SLC22A24: variants seen among roughly 807,000 people sequenced by gnomAD.
SLC22A24 encodes the protein solute carrier family 22 member 24, also known as steroid transmembrane transporter SLC22A24.
A neutral mutation model predicts 49.8 loss-of-function variants in SLC22A24; 53 were observed. The ratio of observed to expected loss-of-function variants is 1.06; its 90% CI spans 0.85 to 1.34. The LOEUF (loss-of-function observed/expected upper bound fraction) is 1.34, where lower values mean the gene tolerates loss of function less well. Ranked by LOEUF, SLC22A24 falls within the 40% of genes most tolerant of loss-of-function variation. The pLI is 0.00. For missense variants in SLC22A24, 786 were observed against 675.9 expected (o/e 1.16, Z -1.81); for synonymous variants, 302 against 256.4 (o/e 1.18, Z -1.70).
At chr11:63,120,880 A>G (rs1016240047) in intron 2 of SLC22A24, among the ~76,000 whole-genome samples, 3 of 152,184 alleles carry the variant, frequency 2.0e-5, no homozygotes, top group Non-Finnish European at 2.9e-5. Context: ...AAAAAGATCT[A>G]TGATACAGGA....
chr11:63,113,011 C>G (rs1188410335), intron 4 of SLC22A24, among the ~76,000 whole-genome samples: 1 of 12,020 alleles, frequency 8.3e-5, no homozygotes, highest in African/African-American at 4.3e-4. Context: ...GACTCTGTCT[C>G]AAAAAAAAAA....
At chr11:63,097,732 C>T (rs1436729099) in intron 5 of SLC22A24, among the ~76,000 whole-genome samples, 3 of 152,096 alleles carry the variant, frequency 2.0e-5, no homozygotes, top group African/African-American at 7.2e-5. Context: ...ACTATGCTGC[C>T]ATGAAAAATA....
In SLC22A24 at chr11:63,133,634, C is replaced by CT. The variant is rs202010148; in HGVS notation, c.506+1030dup. Among the ~76,000 whole-genome samples the CT allele has an allele frequency of 6.2e-3, 944 of 151,340 alleles. 13 individuals are homozygous for CT. Among genetic ancestry groups the CT allele is most frequent in the African/African-American group, 0.021 (868 of 41,246 alleles). Reference sequence around the variant, plus strand: ...TCCTCAAGCAAAGTCATCCTAGGTTCTTTTTTTTTCTTTTTTCTTTTTTTT... The same window carrying CT: ...TCCTCAAGCAAAGTCATCCTAGGTTCTTTTTTTTTTCTTTTTTCTTTTTTTT... On this transcript the variant is annotated intron_variant, in intron 2 of 9. Coordinates refer to ENST00000612278, the MANE Select transcript of SLC22A24 (RefSeq NM_001136506.2).
chr11:63,081,155 T>G, intron 8 of SLC22A24, 32 bp from the exon 9 acceptor site: 2 of 1,510,732 alleles, frequency 1.3e-6, no homozygotes, highest in South Asian at 2.4e-5. Context: ...CAAAAAATCT[T>G]GTATGAATCT....
At chr11:63,096,271 G>A (rs1225445108) in intron 5 of SLC22A24, among the ~76,000 whole-genome samples, 165 bp from the exon 6 acceptor site, 1 of 152,130 alleles carries the variant, frequency 6.6e-6, no homozygotes, top group East Asian at 1.9e-4. Context: ...TGTGTGAAGT[G>A]TTACAAAAGG....
intron 2 of SLC22A24, among the ~76,000 whole-genome samples, chr11:63,131,184 G>T (rs535093480): frequency 6.6e-6 from 1 of 151,648 alleles, no homozygotes; most frequent in Non-Finnish European, 1.5e-5. Context: ...ATGTGAGCTG[G>T]GTTTCCTGAG....
chr11:63,123,562 A>T (rs889375927), intron 2 of SLC22A24, among the ~76,000 whole-genome samples: 5 of 152,122 alleles, frequency 3.3e-5, no homozygotes, highest in African/African-American at 1.2e-4. Context: ...CTAATAGGCA[A>T]CTCCGACCCA....
chr11:63,103,094 T>G (rs1432902863), intron 5 of SLC22A24, among the ~76,000 whole-genome samples: 1 of 152,162 alleles, frequency 6.6e-6, no homozygotes. Flanking sequence ...TTCCAGACAT[T>G]GTACATGTGT....
intron 2 of SLC22A24, among the ~76,000 whole-genome samples, chr11:63,122,622 C>T (rs764165993): frequency 6.6e-6 from 1 of 152,138 alleles, no homozygotes; most frequent in Non-Finnish European, 1.5e-5. Flanking sequence ...TCAAGCCATT[C>T]TCCTGCCTCA....
chr11:63,120,892 A>C (rs1422292281), intron 2 of SLC22A24, among the ~76,000 whole-genome samples: 2 of 152,176 alleles, frequency 1.3e-5, no homozygotes, highest in Non-Finnish European at 2.9e-5. Context: ...GATACAGGAC[A>C]TGATGGAGAA....
chr11:63,094,388 C>T (rs1356620774), intron 6 of SLC22A24, among the ~76,000 whole-genome samples: 2 of 151,958 alleles, frequency 1.3e-5, no homozygotes, highest in East Asian at 3.9e-4. Context: ...CATTGTTAGA[C>T]ATTTAGATTG....
chr11:63,088,080 G>A (rs529993952), intron 6 of SLC22A24, among the ~76,000 whole-genome samples: 1 of 152,232 alleles, frequency 6.6e-6, no homozygotes, highest in African/African-American at 2.4e-5. Context: ...CTCTGCTAAG[G>A]GACAGATTGC....
intron 2 of SLC22A24, among the ~76,000 whole-genome samples, chr11:63,125,308 G>A (rs1387519981): frequency 6.6e-6 from 1 of 151,954 alleles, no homozygotes; most frequent in Non-Finnish European, 1.5e-5. Flanking sequence ...TCCTCCCCTA[G>A]CCCTGCACTC....
At chr11:63,130,707 G>T (rs1434642556) in intron 2 of SLC22A24, among the ~76,000 whole-genome samples, 1 of 152,106 alleles carries the variant, frequency 6.6e-6, no homozygotes, top group African/African-American at 2.4e-5. Flanking sequence ...TCTTGGGAGG[G>T]TGTATTTGTC....
chr11:63,104,159 C>T lies in SLC22A24; in HGVS notation c.954+16G>A. ...TTTCATTTAATCACAGCAATCATTT[C>T]CCCTTTCCAGATCACCTCAGTGGTC... On this transcript the variant is annotated intron_variant, in intron 5 of 9. Coordinates refer to ENST00000612278, the MANE Select transcript of SLC22A24 (RefSeq NM_001136506.2). 1.3e-6 allele frequency: 2 copies of T among 1,547,988 alleles called. No individual in the cohort carries two copies. The highest frequency in any genetic ancestry group is 1.7e-6 in the Non-Finnish European group (2 of 1,146,576).
chr11:63,091,425 T>A (rs541792450), intron 6 of SLC22A24, among the ~76,000 whole-genome samples: 1 of 152,278 alleles, frequency 6.6e-6, no homozygotes, highest in African/African-American at 2.4e-5. Context: ...ATCTTCCTGA[T>A]ACCAAAAGCT....
intron 4 of SLC22A24, among the ~76,000 whole-genome samples, chr11:63,113,063 T>C (rs1363716051): frequency 2.2e-3 from 5 of 2,318 alleles, no homozygotes; most frequent in Non-Finnish European, 8.3e-3. Context: ...TACATATATA[T>C]ATATACATAT....
At chr11:63,125,293 G>C (rs535769597) in intron 2 of SLC22A24, among the ~76,000 whole-genome samples, 6 of 152,078 alleles carry the variant, frequency 3.9e-5, no homozygotes, top group African/African-American at 1.4e-4. Context: ...TTCTCCTAAT[G>C]CTACTCCTCC....
intron 1 of SLC22A24, among the ~76,000 whole-genome samples, chr11:63,136,397 T>C (rs1194877117): frequency 6.6e-6 from 1 of 152,112 alleles, no homozygotes; most frequent in Non-Finnish European, 1.5e-5. Flanking sequence ...CTGGCACTGG[T>C]CAATAAAAAG....
Sources: allele counts gnomAD v4.1 joint callset (sites outside exome capture counted in the v4.1 genomes callset), GRCh38; gene constraint gnomAD v4.1.1; transcripts MANE v1.5; gene names NCBI Gene and HGNC (gene_info 2026-07-23, HGNC 2026-07-21).